Variants in PHACTR1 observed in about 807,000 individuals in gnomAD.
PHACTR1 encodes the protein RPEL repeat containing 1.
A neutral mutation model predicts 69.2 loss-of-function variants in PHACTR1; 16 were observed. The ratio of observed to expected loss-of-function variants is 0.23; its 90% CI spans 0.16 to 0.35. The LOEUF (loss-of-function observed/expected upper bound fraction) is 0.35, where lower values mean the gene tolerates loss of function less well. Ranked by LOEUF, PHACTR1 falls within the 10% of genes least tolerant of loss-of-function variation. The pLI, the probability that PHACTR1 is intolerant of heterozygous loss-of-function variation, is 1.00. For synonymous variants in PHACTR1, 312 were observed against 284.5 expected, an observed-to-expected ratio of 1.10 and a Z score of -0.97; for missense variants, 510 against 734.7, an observed-to-expected ratio of 0.69 and a Z score of 3.54.
intron 7 of PHACTR1, among the ~76,000 whole-genome samples, chr6:13,191,144 C>T (rs1425443704): frequency 6.6e-6 from 1 of 152,226 alleles, no homozygotes; most frequent in Non-Finnish European, 1.5e-5. Context: ...CACCTGGCTA[C>T]TTCTGCCTCT....
At chr6:12,785,155 G>A (rs1331242749) in intron 4 of PHACTR1, among the ~76,000 whole-genome samples, 1 of 152,090 alleles carries the variant, frequency 6.6e-6, no homozygotes, top group East Asian at 1.9e-4. Context: ...ACTCCCCATA[G>A]GAGTGTATAG....
At chr6:13,286,525 G>T (rs1371381352) in intron 14 of PHACTR1, among the ~76,000 whole-genome samples, 1 of 152,196 alleles carries the variant, frequency 6.6e-6, no homozygotes, top group Non-Finnish European at 1.5e-5. Flanking sequence ...AGGTCAAGGA[G>T]AAAAGATTGT....
chr6:13,019,109 C>T (rs886106216), intron 4 of PHACTR1, among the ~76,000 whole-genome samples: 19 of 147,262 alleles, frequency 1.3e-4, no homozygotes, highest in Non-Finnish European at 2.4e-4. Flanking sequence ...ACAGGATTTC[C>T]CCCACATTGC....
intron 8 of PHACTR1, among the ~76,000 whole-genome samples, chr6:13,218,860 AGAG>A (rs1768128142): frequency 1.6e-4 from 1 of 6,136 alleles, no homozygotes; most frequent in African/African-American, 3.9e-4. Flanking sequence ...AGGAAAGAGA[AGAG>A]AAGAGAAGAG....
chr6:12,961,961 C>G (rs949006834), intron 4 of PHACTR1, among the ~76,000 whole-genome samples: 15 of 152,128 alleles, frequency 9.9e-5, no homozygotes, highest in African/African-American at 3.1e-4. Flanking sequence ...CAGGATCTGT[C>G]TCTGTCACCC....
At chr6:13,157,588 C>T (rs1002963346) in intron 5 of PHACTR1, among the ~76,000 whole-genome samples, 2 of 152,222 alleles carry the variant, frequency 1.3e-5, no homozygotes, top group African/African-American at 4.8e-5. Flanking sequence ...GATCTTGGAC[C>T]TCCAAGTCCA....
At chr6:13,131,445 G>A (rs1217644956) in intron 5 of PHACTR1, among the ~76,000 whole-genome samples, 2 of 152,072 alleles carry the variant, frequency 1.3e-5, no homozygotes, top group African/African-American at 4.8e-5. Flanking sequence ...GGGACTTGCG[G>A]GGAAGGGTTG....
Position 13,000,105 on chromosome 6 carries a change from G to C in PHACTR1, c.251-53260G>C, listed in dbSNP as rs547482143. 2.0e-5 allele frequency among the ~76,000 whole-genome samples: 3 copies of C among 152,300 alleles called. No homozygotes were observed. The East Asian group carries it at 5.8e-4, about 29-fold the overall frequency. On this transcript the variant is annotated intron_variant, in intron 4 of 14. Coordinates refer to ENST00000332995, the MANE Select transcript of PHACTR1 (RefSeq NM_030948.6). ...TGTACTGCAGGTGTCTTCCAAAATG[G>C]CACCCTCACTGCTATGATCAGAAGA...
At position 13,152,436 on chromosome 6, in the gene PHACTR1, A is replaced by T. The variant is rs1368176567; in HGVS notation, c.416-7768A>T. Among the ~76,000 whole-genome samples the T allele has an allele frequency of 3.9e-5, 6 of 152,204 alleles. No homozygotes were observed. In the South Asian group the frequency reaches 1.0e-3, roughly 26 times the overall value. On this transcript the variant is annotated intron_variant, in intron 5 of 14. Coordinates refer to ENST00000332995, the MANE Select transcript of PHACTR1 (RefSeq NM_030948.6). ...TGGGAAAATACATTAAGGAGGTATCATGGGGAACTGGCTTTCGTAAATACA... is the reference window on the plus strand; with the variant it reads ...TGGGAAAATACATTAAGGAGGTATCTTGGGGAACTGGCTTTCGTAAATACA...
intron 4 of PHACTR1, among the ~76,000 whole-genome samples, chr6:12,989,070 T>C (rs1036528910): frequency 6.6e-6 from 1 of 152,200 alleles, no homozygotes; most frequent in Non-Finnish European, 1.5e-5. Context: ...AGATGAATAT[T>C]TACCCTGGCA....
intron 4 of PHACTR1, among the ~76,000 whole-genome samples, chr6:12,882,730 T>A (rs917980712): frequency 1.3e-5 from 2 of 152,210 alleles, no homozygotes; most frequent in African/African-American, 2.4e-5. Context: ...GAAGGGTGGC[T>A]GTCTACTCTG....
chr6:12,743,368 T>G (rs1321324392), intron 3 of PHACTR1, among the ~76,000 whole-genome samples: 1 of 152,156 alleles, frequency 6.6e-6, no homozygotes, highest in Non-Finnish European at 1.5e-5. Context: ...TTGCCCTGAT[T>G]ATTTGTATAA....
At chr6:13,089,426 G>T (rs1812851155) in intron 5 of PHACTR1, among the ~76,000 whole-genome samples, 1 of 152,150 alleles carries the variant, frequency 6.6e-6, no homozygotes, top group Non-Finnish European at 1.5e-5. Context: ...TTAGGTGCCT[G>T]GCTCAGGGCA....
chr6:12,858,989 G>A (rs967482311), intron 4 of PHACTR1, among the ~76,000 whole-genome samples: 3 of 152,150 alleles, frequency 2.0e-5, no homozygotes, highest in African/African-American at 4.8e-5. Flanking sequence ...AAAGCTTGGC[G>A]AATTTAAATA....
intron 4 of PHACTR1, among the ~76,000 whole-genome samples, chr6:12,818,657 A>G (rs933085007): frequency 8.5e-5 from 13 of 152,206 alleles, no homozygotes; most frequent in African/African-American, 2.7e-4. Flanking sequence ...ATTCTTTAGT[A>G]TATTTTCTAA....
At chr6:13,212,359 A>C (rs1001357796) in intron 8 of PHACTR1, among the ~76,000 whole-genome samples, 2 of 152,142 alleles carry the variant, frequency 1.3e-5, no homozygotes, top group Non-Finnish European at 2.9e-5. Flanking sequence ...CCAGAAGCCC[A>C]CACCCACTCC....
At chr6:13,239,116 G>A (rs748621928) in intron 10 of PHACTR1, among the ~76,000 whole-genome samples, 5 of 152,264 alleles carry the variant, frequency 3.3e-5, no homozygotes, top group Admixed American at 2.0e-4. Flanking sequence ...CCTGGTATTC[G>A]CTCATCTTCA....
At chr6:13,173,831 C>A (rs987651380) in intron 6 of PHACTR1, among the ~76,000 whole-genome samples, 23 of 152,198 alleles carry the variant, frequency 1.5e-4, no homozygotes, top group African/African-American at 5.5e-4. Flanking sequence ...GCCTCAGCTC[C>A]CAAGTAGCTG....
chr6:13,009,102 CTCTG>C (rs892989929), intron 4 of PHACTR1, among the ~76,000 whole-genome samples: 1 of 152,200 alleles, frequency 6.6e-6, no homozygotes, highest in African/African-American at 2.4e-5. Flanking sequence ...TCTTCTCCTC[CTCTG>C]TCTGTCTCTC....
Sources: allele counts gnomAD v4.1 joint callset (sites outside exome capture counted in the v4.1 genomes callset), GRCh38; gene constraint gnomAD v4.1.1; transcripts MANE v1.5; gene names NCBI Gene and HGNC (gene_info 2026-07-23, HGNC 2026-07-21).